Variants in PIK3CB observed in about 807,000 individuals in gnomAD.
PIK3CB encodes the protein phosphatidylinositol 4,5-bisphosphate 3-kinase catalytic subunit beta isoform.
A neutral mutation model predicts 136.8 loss-of-function variants in PIK3CB; 39 were observed. The ratio of observed to expected loss-of-function variants is 0.29; its 90% CI spans 0.22 to 0.37. The LOEUF (loss-of-function observed/expected upper bound fraction) is 0.37. Among genes scored for constraint, PIK3CB ranks in the 10% least tolerant of loss-of-function variants. The probability of loss-of-function intolerance (pLI) is 1.00; values close to 1 mark genes in which losing one functional copy is unlikely to be tolerated. For synonymous variants in PIK3CB, 428 were observed against 436.6 expected, an observed-to-expected ratio of 0.98 and a Z score of 0.25; for missense variants, 868 against 1,275.4, an observed-to-expected ratio of 0.68 and a Z score of 4.87.
At position 138,654,350 on chromosome 3, in the gene PIK3CB, G is replaced by A. The variant is rs150941794; in HGVS notation, c.*1039C>T. On this transcript the variant is annotated 3_prime_UTR_variant, in exon 24 of 24. Transcript: ENST00000674063. ...AATAACTTAAAGATTTCCGTGTGGC[G>A]TGAAACCATTTCAATTTGAACTAAT... is the stretch of plus-strand genomic sequence containing the variant. 46 of 219,602 alleles carry A rather than the reference G, an allele frequency of 2.1e-4. No individual in the cohort carries two copies. Among genetic ancestry groups the A allele is most frequent in the African/African-American group, 3.1e-4 (14 of 44,572 alleles). The allele number at this position is 219,602 out of a possible 1,614,324, so 13.6% of individuals were successfully genotyped here. A position where few individuals can be genotyped will look rare whatever the true frequency, so the allele number is the denominator to read the frequency against.
chr3:138,709,464 C>T (rs1576344858), intron 10 of PIK3CB, among the ~76,000 whole-genome samples: 2 of 151,944 alleles, frequency 1.3e-5, no homozygotes, highest in East Asian at 3.9e-4. Flanking sequence ...AAACAGGAAT[C>T]GACATTTGTA....
At chr3:138,674,284 G>GA (rs1411089269) in intron 19 of PIK3CB, among the ~76,000 whole-genome samples, 3 of 152,042 alleles carry the variant, frequency 2.0e-5, no homozygotes, top group African/African-American at 7.2e-5. Flanking sequence ...TGTGAAAGCA[G>GA]AAAGTTAGGG....
intron 1 of PIK3CB, chr3:138,825,863 G>A: frequency 7.1e-7 from 1 of 1,418,272 alleles, no homozygotes; most frequent in Non-Finnish European, 9.8e-7. Flanking sequence ...TGCAGACAAT[G>A]TGGACTTCAA....
chr3:138,792,428 C>T (rs917965957), intron 2 of PIK3CB, among the ~76,000 whole-genome samples: 7 of 152,016 alleles, frequency 4.6e-5, no homozygotes, highest in African/African-American at 1.4e-4. Context: ...GGCTGAAGTG[C>T]AGTGGTAGGA....
chr3:138,695,251 A>G (rs1410496361), intron 13 of PIK3CB, among the ~76,000 whole-genome samples: 1 of 152,200 alleles, frequency 6.6e-6, no homozygotes, highest in African/African-American at 2.4e-5. Flanking sequence ...TTTCCTGGGT[A>G]TCACCTAAGT....
chr3:138,781,952 T>G (rs1429988675), intron 2 of PIK3CB, among the ~76,000 whole-genome samples: 1 of 152,208 alleles, frequency 6.6e-6, no homozygotes, highest in Non-Finnish European at 1.5e-5. Context: ...AAACAATTCC[T>G]ATTACCCAAC....
At chr3:138,699,396 C>T (rs867580558) in intron 12 of PIK3CB, among the ~76,000 whole-genome samples, 18 of 151,888 alleles carry the variant, frequency 1.2e-4, no homozygotes, top group African/African-American at 2.7e-4. Context: ...CCTGTAATCC[C>T]AACACTTTGG....
In PIK3CB at chr3:138,652,879, T is replaced by C. The variant is rs1189341743; in HGVS notation, c.*2510A>G. 9.3e-6 allele frequency: 2 copies of C among 215,220 alleles called. No homozygotes were observed. Among genetic ancestry groups the C allele is most frequent in the Non-Finnish European group, 9.4e-6 (1 of 106,824 alleles). 13.3% of individuals were successfully genotyped at this position (215,220 alleles called of 1,614,324 possible). A position where few individuals can be genotyped will look rare whatever the true frequency, so the allele number is the denominator to read the frequency against. On this transcript the variant is annotated 3_prime_UTR_variant, in exon 24 of 24. Transcript: ENST00000674063. Reference sequence around the variant, plus strand: ...GTACCCCATATATATATCTACTATGTACTCACAAAAATTAAAAATTAAGAA... The same window carrying C: ...GTACCCCATATATATATCTACTATGCACTCACAAAAATTAAAAATTAAGAA...
intron 20 of PIK3CB, 98 bp downstream of exon 20, chr3:138,664,938 A>T: frequency 1.4e-6 from 1 of 702,236 alleles, no homozygotes; most frequent in Non-Finnish European, 2.2e-6. Context: ...AAAAAACACT[A>T]ATATTTCCTC....
intron 2 of PIK3CB, among the ~76,000 whole-genome samples, chr3:138,786,637 T>C (rs775892134): frequency 9.2e-5 from 14 of 152,164 alleles, no homozygotes; most frequent in Non-Finnish European, 1.8e-4. Flanking sequence ...TGAGCCACCG[T>C]GCCCAGCCTG....
intron 15 of PIK3CB, 119 bp downstream of exon 15, chr3:138,690,881 T>C: frequency 1.4e-6 from 1 of 721,806 alleles, no homozygotes; most frequent in Admixed American, 2.6e-5. Flanking sequence ...CAAAACCATA[T>C]AAATGTTATA....
At chr3:138,825,635 C>G (rs1256454272) in intron 1 of PIK3CB, 6 of 633,266 alleles carry the variant, frequency 9.5e-6, no homozygotes, top group Non-Finnish European at 1.4e-5. Context: ...CTACTCGAAG[C>G]TCTGGACTGC....
At chr3:138,663,019 A>G (rs2043330118) in intron 21 of PIK3CB, among the ~76,000 whole-genome samples, 1 of 152,136 alleles carries the variant, frequency 6.6e-6, no homozygotes, top group Non-Finnish European at 1.5e-5. Flanking sequence ...CATGTCTAAA[A>G]CACTAAAAGC....
chr3:138,818,263 C>A (rs1410217100), intron 1 of PIK3CB, among the ~76,000 whole-genome samples: 1 of 152,178 alleles, frequency 6.6e-6, no homozygotes, highest in Non-Finnish European at 1.5e-5. Context: ...CAGCCATCTC[C>A]ATCCTGGAAT....
chr3:138,684,844 A>C, intron 16 of PIK3CB, 41 bp from the exon 17 acceptor site: 3 of 1,414,470 alleles, frequency 2.1e-6, no homozygotes, highest in Non-Finnish European at 3.0e-6. Context: ...CATTTGACTA[A>C]AAGTAATATA....
Position 138,698,986 on chromosome 3 carries a change from T to C in PIK3CB, c.1691A>G (p.Asp564Gly). 1 of 1,607,568 alleles carries C rather than the reference T, an allele frequency of 6.2e-7. No individual in the cohort carries two copies. The highest frequency in any genetic ancestry group is 8.5e-7 in the Non-Finnish European group (1 of 1,175,444). The change falls in exon 13 of 24, where the codon GAC becomes GGC. Residue 564 changes from aspartate to glycine, a missense_variant. Asp to Gly is a moderately conservative substitution (Grantham distance 94). This residue lies in a region of PIK3CB where 612 missense variants were observed against 801.1 expected (regional missense o/e 0.76). Coordinates refer to ENST00000674063, the MANE Select transcript of PIK3CB (RefSeq NM_006219.3). The stretch of plus-strand genomic sequence containing the variant: ...TGATTGTGGGAAAATCTCTCGGCAG[T>C]CTTGTCGCAAAGTCCAAATAAGATC... ...EMDLIWTLRQ[D>G]CREIFPQSLP...
At chr3:138,774,872 T>C (rs964246337) in intron 2 of PIK3CB, among the ~76,000 whole-genome samples, 2 of 152,236 alleles carry the variant, frequency 1.3e-5, no homozygotes, top group African/African-American at 4.8e-5. Context: ...AGTCATAATA[T>C]GTAAAAATTA....
At chr3:138,679,901 C>A (rs1457101490) in intron 19 of PIK3CB, among the ~76,000 whole-genome samples, 16 of 129,982 alleles carry the variant, frequency 1.2e-4, no homozygotes, top group East Asian at 2.3e-4. Flanking sequence ...GCCAAGAGTT[C>A]ATTTTAAAAA....
At position 138,652,836 on chromosome 3, in the gene PIK3CB, T is replaced by G. The variant is rs2043141981; in HGVS notation, c.*2553A>C. 1 of 220,050 alleles carries G rather than the reference T, an allele frequency of 4.5e-6. No individual in the cohort carries two copies. 13.6% of individuals were successfully genotyped at this position (220,050 alleles called of 1,614,324 possible). ...ATGCGATAATTACATGTTATATGCC[T>G]GTATCAAAATATTCCATGTACCCCA... On this transcript the variant is annotated 3_prime_UTR_variant, in exon 24 of 24. Coordinates refer to ENST00000674063, the MANE Select transcript of PIK3CB (RefSeq NM_006219.3).
Sources: gnomAD v4.1 joint callset for allele counts (sites outside exome capture counted in the v4.1 genomes callset) on GRCh38, gnomAD v4.1.1 for gene constraint, gnomAD v4.1.1 regional missense constraint, MANE v1.5 for transcripts, NCBI Gene and HGNC (gene_info 2026-07-23, HGNC 2026-07-21) for gene names.